Variants in RUSC2 observed in about 807,000 individuals in gnomAD.
RUSC2 encodes the protein RUN and SH3 domain containing 2, also known as AP-4 complex accessory subunit RUSC2.
A neutral mutation model predicts 122.2 loss-of-function variants in RUSC2; 34 were observed. That is an observed-to-expected ratio of 0.28 (90% CI 0.21 to 0.37). The LOEUF is 0.37. RUSC2 is among the 10% of genes least tolerant of loss of function. The pLI is 1.00. For missense variants in RUSC2, 1,747 were observed against 1,952.4 expected (o/e 0.89, Z 1.98); for synonymous variants, 784 against 790.0 (o/e 0.99, Z 0.13).
chr9:35,555,509 CCTT>C lies in RUSC2; in HGVS notation c.2467_2469del (p.Ser823del), dbSNP rs1563873483. 10 of 1,614,242 alleles carry C rather than the reference CCTT, an allele frequency of 6.2e-6. No individual in the cohort carries two copies. The highest frequency in any genetic ancestry group is 2.2e-5 in the East Asian group (1 of 44,890). Reference sequence around the variant, plus strand: ...CCTGCCCCCATGGAGCCACTCCTGTCCTTCTGCTGTCCGGCCTGCCACCTCCCA... The same window carrying C: ...CCTGCCCCCATGGAGCCACTCCTGTCCTGCTGTCCGGCCTGCCACCTCCCA... On this transcript the variant is annotated inframe_deletion, in exon 3 of 12. Coordinates refer to ENST00000361226, the MANE Select transcript of RUSC2 (RefSeq NM_014806.5). This position sits in a 1 kb window ranked among gnomAD's most constrained non-coding sequence, Gnocchi z 4.6.
At chr9:35,536,707 G>A (rs1435689750) in intron 1 of RUSC2, among the ~76,000 whole-genome samples, 4 of 151,550 alleles carry the variant, frequency 2.6e-5, no homozygotes, top group African/African-American at 9.7e-5. Flanking sequence ...CCAGCTACTC[G>A]GGAGGCTGAG....
At chr9:35,519,891 A>G (rs1301955921) in intron 1 of RUSC2, among the ~76,000 whole-genome samples, 1 of 152,158 alleles carries the variant, frequency 6.6e-6, no homozygotes, top group Admixed American at 6.5e-5. Context: ...GACCACCCAG[A>G]ATTCCACAGC....
chr9:35,513,160 T>C (rs1214481810), intron 1 of RUSC2, among the ~76,000 whole-genome samples: 1 of 152,100 alleles, frequency 6.6e-6, no homozygotes, highest in African/African-American at 2.4e-5. Context: ...TTTTCAACCA[T>C]GGATTTTGGA....
chr9:35,500,264 T>C (rs1820796412), intron 1 of RUSC2, among the ~76,000 whole-genome samples: 1 of 134,062 alleles, frequency 7.5e-6, no homozygotes, highest in Non-Finnish European at 1.6e-5. Flanking sequence ...CTTACATAGA[T>C]GACAGGCAAA....
chr9:35,535,274 C>A (rs1489468188), intron 1 of RUSC2, among the ~76,000 whole-genome samples: 8 of 151,916 alleles, frequency 5.3e-5, no homozygotes, highest in Non-Finnish European at 1.2e-4. Context: ...CACCACCACA[C>A]CCCGCTAATT....
chr9:35,520,059 TAA>T (rs1326981016), intron 1 of RUSC2, among the ~76,000 whole-genome samples: 2 of 152,208 alleles, frequency 1.3e-5, no homozygotes, highest in African/African-American at 2.4e-5. Context: ...CAAAAATATA[TAA>T]GTTACTCTCA....
At chr9:35,559,855 G>A (rs1822104798) in intron 9 of RUSC2, among the ~76,000 whole-genome samples, 174 bp from the exon 10 acceptor site, 1 of 152,238 alleles carries the variant, frequency 6.6e-6, no homozygotes, top group South Asian at 2.1e-4. Flanking sequence ...GGGTTGGAGA[G>A]TTTAGGCACT....
intron 1 of RUSC2, among the ~76,000 whole-genome samples, chr9:35,504,199 T>C (rs1820869041): frequency 6.6e-6 from 1 of 152,196 alleles, no homozygotes; most frequent in African/African-American, 2.4e-5. Flanking sequence ...TTTTAAGACT[T>C]GAGATATATA....
intron 1 of RUSC2, among the ~76,000 whole-genome samples, chr9:35,495,113 C>T (rs190979409): frequency 0.056 from 26 of 462 alleles, no homozygotes; most frequent in African/African-American, 0.13. Context: ...ATATATTATA[C>T]ATTATATACA....
At chr9:35,494,956 A>G (rs909425047) in intron 1 of RUSC2, among the ~76,000 whole-genome samples, 1 of 122,338 alleles carries the variant, frequency 8.2e-6, no homozygotes, top group Non-Finnish European at 1.6e-5. Flanking sequence ...TATATTATAC[A>G]TATATAAAAT....
rs770869478 is a variant in RUSC2 at position 35,560,954 on chromosome 9, C to A, written c.4212-6C>A. The stretch of plus-strand genomic sequence containing the variant: ...GGCAGAGCCTGAGTCCAGCTGCTGT[C>A]CCTAGGCTCCCCTCGGACTGGCTGA... On this transcript the variant is annotated splice_polypyrimidine_tract_variant and splice_region_variant and intron_variant, in intron 10 of 11. Coordinates refer to ENST00000361226, the MANE Select transcript of RUSC2 (RefSeq NM_014806.5). The A allele has an allele frequency of 7.1e-5, 114 of 1,612,852 alleles. No individual in the cohort carries two copies. The highest frequency in any genetic ancestry group is 1.6e-4 in the Middle Eastern group (1 of 6,070).
At chr9:35,520,117 GT>G (rs1821184609) in intron 1 of RUSC2, among the ~76,000 whole-genome samples, 1 of 152,170 alleles carries the variant, frequency 6.6e-6, no homozygotes, top group Non-Finnish European at 1.5e-5. Flanking sequence ...CACAGAAATG[GT>G]TTTTGCTGCC....
intron 1 of RUSC2, among the ~76,000 whole-genome samples, chr9:35,512,349 A>G (rs1821025889): frequency 6.6e-6 from 1 of 152,222 alleles, no homozygotes; most frequent in Non-Finnish European, 1.5e-5. Context: ...CTTTGAATAT[A>G]ATTTGAATCT....
intron 1 of RUSC2, among the ~76,000 whole-genome samples, chr9:35,495,493 A>G (rs1356551767): frequency 6.6e-6 from 1 of 151,538 alleles, no homozygotes; most frequent in African/African-American, 2.4e-5. Context: ...GTGAGGGTTT[A>G]TTTCTGGGCT....
chr9:35,499,282 CAAA>C, intron 1 of RUSC2, among the ~76,000 whole-genome samples: 1 of 151,544 alleles, frequency 6.6e-6, no homozygotes, highest in East Asian at 1.9e-4. Context: ...GTGAAACTCT[CAAA>C]AACAAAAACA....
Position 35,555,299 on chromosome 9 carries a change from G to C in RUSC2, c.2254G>C (p.Ala752Pro). The C allele has an allele frequency of 6.2e-7, 1 of 1,613,806 alleles. No homozygotes were observed. The highest frequency in any genetic ancestry group is 8.5e-7 in the Non-Finnish European group (1 of 1,179,992). Residue 752 changes from alanine to proline, a missense_variant, in exon 3 of 12, where the codon GCA becomes CCA. By Grantham distance (27) the Ala-to-Pro change is conservative. Transcript: ENST00000361226. The surrounding 1 kb of genome is among the most constrained non-coding windows in gnomAD (Gnocchi z 4.6). ...SVPAPSGEPQ[A>P]STPRATGRGA... is the part of the protein sequence containing the mutation. ...CCCAGCTCCCTCAGGGGAACCGCAG[G>C]CATCCACTCCCCGAGCCACTGGCAG... is the stretch of plus-strand genomic sequence containing the variant.
chr9:35,533,927 T>C (rs776728464), intron 1 of RUSC2, among the ~76,000 whole-genome samples: 18 of 152,250 alleles, frequency 1.2e-4, no homozygotes, highest in Non-Finnish European at 2.5e-4. Flanking sequence ...GGAATACTCA[T>C]ATACAAGCTT....
intron 1 of RUSC2, among the ~76,000 whole-genome samples, chr9:35,528,510 C>CTTTTTT (rs912951066): frequency 6.9e-6 from 1 of 145,406 alleles, no homozygotes; most frequent in African/African-American, 2.5e-5. Flanking sequence ...GATTTGATAC[C>CTTTTTT]TTTTTTTTTT....
intron 1 of RUSC2, among the ~76,000 whole-genome samples, chr9:35,500,094 G>C (rs1820794042): frequency 6.6e-6 from 1 of 152,072 alleles, no homozygotes; most frequent in Non-Finnish European, 1.5e-5. Context: ...TAAGACTAAT[G>C]ATTTCCTTTT....
Sources: allele counts gnomAD v4.1 joint callset (sites outside exome capture counted in the v4.1 genomes callset), GRCh38; gene constraint gnomAD v4.1.1; non-coding constraint Gnocchi (gnomAD v3.1); transcripts MANE v1.5; gene names NCBI Gene and HGNC (gene_info 2026-07-23, HGNC 2026-07-21).